CADM2: variants seen among roughly 807,000 people sequenced by gnomAD.
CADM2 encodes the protein immunoglobulin superfamily member 4D.
CADM2 carries 12 observed loss-of-function variants against 49.8 expected under a neutral mutation model. That is an observed-to-expected ratio of 0.24 (90% CI 0.15 to 0.39). The LOEUF is 0.39. Ranked by LOEUF, CADM2 falls within the 10% of genes least tolerant of loss-of-function variation. The pLI, the probability that CADM2 is intolerant of heterozygous loss-of-function variation, is 1.00. For synonymous variants in CADM2, 214 were observed against 175.4 expected, an observed-to-expected ratio of 1.22 and a Z score of -1.74; for missense variants, 378 against 492.3, an observed-to-expected ratio of 0.77 and a Z score of 2.20.
chr3:86,039,481 C>A (rs1037366476), intron 8 of CADM2, among the ~76,000 whole-genome samples: 2 of 152,184 alleles, frequency 1.3e-5, no homozygotes, highest in Non-Finnish European at 2.9e-5. Flanking sequence ...GAGCCTCACT[C>A]ATCGCTAGCA....
chr3:85,477,461 T>C (rs2039025197), intron 1 of CADM2, among the ~76,000 whole-genome samples: 1 of 151,900 alleles, frequency 6.6e-6, no homozygotes, highest in Non-Finnish European at 1.5e-5. Context: ...TACTTCAGAA[T>C]ATATACAGGA....
chr3:85,896,269 T>G (rs552058938), intron 5 of CADM2, among the ~76,000 whole-genome samples: 1 of 152,224 alleles, frequency 6.6e-6, no homozygotes, highest in Admixed American at 6.5e-5. Context: ...CTGGGTGACA[T>G]AGTAAGACCT....
At chr3:85,268,406 G>T (rs2043166927) in intron 1 of CADM2, among the ~76,000 whole-genome samples, 1 of 151,276 alleles carries the variant, frequency 6.6e-6, no homozygotes, top group Admixed American at 6.6e-5. Context: ...ATTAAAGGAT[G>T]ACTCTTCCTT....
intron 8 of CADM2, among the ~76,000 whole-genome samples, chr3:86,044,351 A>G (rs1044901499): frequency 6.6e-6 from 1 of 152,336 alleles, no homozygotes; most frequent in East Asian, 1.9e-4. Context: ...CAATGAACTC[A>G]AACAAATTTA....
intron 3 of CADM2, among the ~76,000 whole-genome samples, chr3:85,869,559 T>A (rs1559711936): frequency 6.6e-6 from 1 of 152,068 alleles, no homozygotes; most frequent in Non-Finnish European, 1.5e-5. Flanking sequence ...TTTTGTGGGG[T>A]CTCAGATACT....
chr3:85,568,516 C>T (rs189425609), intron 1 of CADM2, among the ~76,000 whole-genome samples: 4,206 of 74,352 alleles, frequency 0.057, 697 homozygotes, highest in African/African-American at 0.22. Flanking sequence ...TCTTTCTTTC[C>T]TCCCTCCCTC....
intron 1 of CADM2, among the ~76,000 whole-genome samples, chr3:85,514,278 G>A (rs1422516378): frequency 6.6e-6 from 1 of 151,978 alleles, no homozygotes; most frequent in Non-Finnish European, 1.5e-5. Context: ...AGACACTACT[G>A]TTTATTTGAT....
intron 1 of CADM2, among the ~76,000 whole-genome samples, chr3:85,074,388 GTTC>G: frequency 6.6e-6 from 1 of 151,816 alleles, no homozygotes; most frequent in Non-Finnish European, 1.5e-5. Context: ...CCTTTATCCT[GTTC>G]TTATCTTTTT....
intron 1 of CADM2, among the ~76,000 whole-genome samples, chr3:85,153,913 G>T (rs911899542): frequency 6.6e-5 from 10 of 152,120 alleles, no homozygotes; most frequent in African/African-American, 1.9e-4. Context: ...AAACAGAAAG[G>T]ACATCCACAC....
At chr3:85,068,093 AT>A (rs1281621226) in intron 1 of CADM2, among the ~76,000 whole-genome samples, 1 of 152,156 alleles carries the variant, frequency 6.6e-6, no homozygotes, top group Non-Finnish European at 1.5e-5. Flanking sequence ...TCTAGACACT[AT>A]TTTTAACGCA....
At chr3:85,616,226 A>C (rs1290625167) in intron 1 of CADM2, among the ~76,000 whole-genome samples, 1 of 149,706 alleles carries the variant, frequency 6.7e-6, no homozygotes, top group Non-Finnish European at 1.5e-5. Flanking sequence ...AACTGTTTAC[A>C]AAAACAAGTT....
chr3:85,488,778 C>T (rs2107641950), intron 1 of CADM2, among the ~76,000 whole-genome samples: 1 of 152,204 alleles, frequency 6.6e-6, no homozygotes, highest in East Asian at 1.9e-4. Context: ...ATCTGCTCTC[C>T]TCGGCCTCCC....
At chr3:85,103,615 C>G (rs1405683134) in intron 1 of CADM2, among the ~76,000 whole-genome samples, 2 of 152,166 alleles carry the variant, frequency 1.3e-5, no homozygotes, top group African/African-American at 4.8e-5. Context: ...GCATTTAATG[C>G]TAGCTTGCAG....
intron 1 of CADM2, among the ~76,000 whole-genome samples, chr3:85,326,077 T>TA (rs1290025050): frequency 6.6e-6 from 1 of 152,206 alleles, no homozygotes; most frequent in East Asian, 1.9e-4. Context: ...TCTTTTAACA[T>TA]ACTCTGCCTC....
chr3:86,011,890 C>T (rs1436073382), intron 8 of CADM2, among the ~76,000 whole-genome samples: 3 of 151,702 alleles, frequency 2.0e-5, no homozygotes, highest in Non-Finnish European at 2.9e-5. Flanking sequence ...TATAAAAAAC[C>T]TTAGAGAGAA....
chr3:85,980,572 G>A (rs970713981), intron 8 of CADM2, among the ~76,000 whole-genome samples: 1 of 151,470 alleles, frequency 6.6e-6, no homozygotes, highest in Admixed American at 6.6e-5. Context: ...ATCTGTAAGT[G>A]AGAAGAGTGT....
intron 1 of CADM2, among the ~76,000 whole-genome samples, chr3:85,557,902 AT>A: frequency 6.6e-6 from 1 of 152,206 alleles, no homozygotes; most frequent in Non-Finnish European, 1.5e-5. Flanking sequence ...GTTACTCAAA[AT>A]TCAATTTCAT....
At chr3:85,820,722 C>T (rs1190570582) in intron 3 of CADM2, among the ~76,000 whole-genome samples, 1 of 152,002 alleles carries the variant, frequency 6.6e-6, no homozygotes, top group Admixed American at 6.6e-5. Flanking sequence ...GTATATGAGT[C>T]TGGAGTCCAC....
chr3:85,152,180 A>C (rs1429031093), intron 1 of CADM2, among the ~76,000 whole-genome samples: 1 of 152,112 alleles, frequency 6.6e-6, no homozygotes, highest in Non-Finnish European at 1.5e-5. Flanking sequence ...AGTCAGTGTA[A>C]ACATATTTCA....
Sources: allele counts gnomAD v4.1 joint callset (sites outside exome capture counted in the v4.1 genomes callset), GRCh38; gene constraint gnomAD v4.1.1; transcripts MANE v1.5; gene names NCBI Gene and HGNC (gene_info 2026-07-23, HGNC 2026-07-21).